DYRK3: variants seen among roughly 807,000 people sequenced by gnomAD.
DYRK3 encodes the protein dual specificity tyrosine phosphorylation regulated kinase 3, also known as dual specificity tyrosine-phosphorylation-regulated kinase 3.
A neutral mutation model predicts 40.8 loss-of-function variants in DYRK3; 30 were observed. That is an observed-to-expected ratio of 0.74 (90% CI 0.55 to 1.00). The LOEUF (loss-of-function observed/expected upper bound fraction) is 1.00, where lower values mean the gene tolerates loss of function less well. DYRK3 is among the 50% of genes least tolerant of loss of function. The pLI, the probability that DYRK3 is intolerant of heterozygous loss-of-function variation, is 0.00. For missense variants in DYRK3, 699 were observed against 731.5 expected, an observed-to-expected ratio of 0.96 and a Z score of 0.51; for synonymous variants, 272 against 260.7, an observed-to-expected ratio of 1.04 and a Z score of -0.42.
In DYRK3 at chr1:206,650,305, G is replaced by A. The variant is rs1671599343; in HGVS notation, c.*1340G>A. Among the ~76,000 whole-genome samples, 1 of 152,190 alleles carries A rather than the reference G, an allele frequency of 6.6e-6. No homozygotes were observed. The highest frequency in any genetic ancestry group is 6.5e-5 in the Admixed American group (1 of 15,280). On this transcript the variant is annotated 3_prime_UTR_variant, in exon 3 of 3. Coordinates refer to ENST00000367109, the MANE Select transcript of DYRK3 (RefSeq NM_003582.4). The stretch of plus-strand genomic sequence containing the variant: ...TCTTGGCTGGGTATTAGTGGCTCAT[G>A]CCTGTAATCCCAGCACTTTGGGAGG...
At position 206,648,402 on chromosome 1, in the gene DYRK3, C is replaced by T. The variant is rs782101027; in HGVS notation, c.1204C>T (p.Leu402Phe). 4 of 1,614,024 alleles carry T rather than the reference C, an allele frequency of 2.5e-6. No individual in the cohort carries two copies. In the African/African-American group the frequency reaches 5.3e-5, roughly 22 times the overall value. ...GAGTTTTGGCTGCATCCTTGCAGAA[C>T]TTTTAACAGGACAGCCTCTCTTCCC... ...IWSFGCILAELLTGQPLFPGE... is the reference protein window; with the variant it reads ...IWSFGCILAEFLTGQPLFPGE... The change falls in exon 3 of 3, where the codon CTT becomes TTT. Residue 402 changes from leucine (L) to phenylalanine (F), a missense_variant. Coordinates refer to ENST00000367109, the MANE Select transcript of DYRK3 (RefSeq NM_003582.4).
chr1:206,647,445 A>G lies in DYRK3; in HGVS notation c.247A>G (p.Met83Val), dbSNP rs139024809. The G allele has an allele frequency of 6.2e-7, 1 of 1,613,986 alleles. No individual in the cohort carries two copies. ...TCAGCACTTTTTGGATGGAGGTGAG[A>G]TGAAGGTAGAACAGCTGTTTCAAGA... ...HTQHFLDGGE[M>V]KVEQLFQEFG... Residue 83 changes from methionine (M) to valine (V), a missense_variant, in exon 3 of 3, where the codon ATG becomes GTG. By Grantham distance (21) the Met-to-Val change is conservative. Coordinates refer to ENST00000367109, the MANE Select transcript of DYRK3 (RefSeq NM_003582.4).
rs898989087 is a variant in DYRK3 at position 206,652,208 on chromosome 1, A to G, written c.*3243A>G. On this transcript the variant is annotated 3_prime_UTR_variant, in exon 3 of 3. Transcript: ENST00000367109. ...TTGGAGAAATTTAAGGATCTCCTGC[A>G]TTATCTAGGCAGAGCATATGTTGAG... Among the ~76,000 whole-genome samples the G allele has an allele frequency of 6.6e-6, 1 of 152,226 alleles. No homozygotes were observed. The highest frequency in any genetic ancestry group is 1.5e-5 in the Non-Finnish European group (1 of 68,048).
chr1:206,640,234 C>T (rs1233481659), intron 2 of DYRK3, among the ~76,000 whole-genome samples: 1 of 152,170 alleles, frequency 6.6e-6, no homozygotes, highest in Non-Finnish European at 1.5e-5. Context: ...CCACGCCTGG[C>T]TGTCTTTACT....
At chr1:206,636,778 C>T (rs1671124513) in intron 1 of DYRK3, 3 of 664,638 alleles carry the variant, frequency 4.5e-6, no homozygotes, top group Admixed American at 6.1e-5. Flanking sequence ...ATGTGTGTAA[C>T]TGGGAAATCC....
chr1:206,637,527 C>A, intron 1 of DYRK3, 123 bp from the exon 2 acceptor site: 1 of 656,058 alleles, frequency 1.5e-6, no homozygotes, highest in South Asian at 2.2e-5. Context: ...GTATTCAGTG[C>A]CAAAATGTAG....
rs782235510 is a variant in DYRK3 at position 206,648,437 on chromosome 1, TGAA to T, written c.1241_1243del (p.Glu414del). 3.5e-5 allele frequency: 57 copies of T among 1,614,160 alleles called. No individual in the cohort carries two copies. The highest frequency in any genetic ancestry group is 2.5e-6 in the Non-Finnish European group (3 of 1,180,016). On this transcript the variant is annotated inframe_deletion, in exon 3 of 3. Coordinates refer to ENST00000367109, the MANE Select transcript of DYRK3 (RefSeq NM_003582.4). ...GACAGCCTCTCTTCCCTGGAGAGGA[TGAA>T]GGAGACCAGTTGGCCTGCATGATGG...
At chr1:206,636,198 G>A in intron 1 of DYRK3, 1 of 632,612 alleles carries the variant, frequency 1.6e-6, no homozygotes, top group South Asian at 1.4e-5. Flanking sequence ...TTGCTGTGAG[G>A]GGTGCGGTCT....
chr1:206,648,355 A>G lies in DYRK3; in HGVS notation c.1157A>G (p.Tyr386Cys), dbSNP rs1553420685. The G allele has an allele frequency of 6.2e-7, 1 of 1,614,066 alleles. No individual in the cohort carries two copies. Among genetic ancestry groups the G allele is most frequent in the African/African-American group, 1.3e-5 (1 of 74,928 alleles). Residue 386 changes from tyrosine (Y) to cysteine (C), a missense_variant, in exon 3 of 3, where the codon TAC (tyrosine) becomes TGC (cysteine). By Grantham distance (194) the Tyr-to-Cys change is radical. Coordinates refer to ENST00000367109, the MANE Select transcript of DYRK3 (RefSeq NM_003582.4). ...CCAGAAATCATCTTAGGAAGCCGCT[A>G]CAGCACACCAATTGACATATGGAGT... ...RAPEIILGSR[Y>C]STPIDIWSFG...
chr1:206,655,085 G>T lies in DYRK3; in HGVS notation c.*6120G>T. On this transcript the variant is annotated 3_prime_UTR_variant, in exon 3 of 3. Coordinates refer to ENST00000367109, the MANE Select transcript of DYRK3 (RefSeq NM_003582.4). Reference sequence around the variant, plus strand: ...TGACATGCTTCCTCTGGAAAGTGCAGTTTGGCATGGATGAGTCAGTGGTTT... The same window carrying T: ...TGACATGCTTCCTCTGGAAAGTGCATTTTGGCATGGATGAGTCAGTGGTTT... Among the ~76,000 whole-genome samples the T allele has an allele frequency of 6.6e-6, 1 of 152,216 alleles. No individual in the cohort carries two copies. Among genetic ancestry groups the T allele is most frequent in the Non-Finnish European group, 1.5e-5 (1 of 68,044 alleles).
intron 1 of DYRK3, chr1:206,636,039 A>C: frequency 1.4e-6 from 2 of 1,471,480 alleles, no homozygotes; most frequent in Non-Finnish European, 1.8e-6. Flanking sequence ...ATTCCCTCTG[A>C]AACCCTAGAT....
chr1:206,654,388 A>C lies in DYRK3; in HGVS notation c.*5423A>C, dbSNP rs1035793683. On this transcript the variant is annotated 3_prime_UTR_variant, in exon 3 of 3. Coordinates refer to ENST00000367109, the MANE Select transcript of DYRK3 (RefSeq NM_003582.4). ...AACTTACTATGCGTAGAGCAGCGGCAGGCATTCATGCTATGGAAAACCTGG... is the reference window on the plus strand; with the variant it reads ...AACTTACTATGCGTAGAGCAGCGGCCGGCATTCATGCTATGGAAAACCTGG... Among the ~76,000 whole-genome samples the C allele has an allele frequency of 1.2e-4, 19 of 152,274 alleles. No homozygotes were observed. Among genetic ancestry groups the C allele is most frequent in the African/African-American group, 4.3e-4 (18 of 41,476 alleles).
chr1:206,637,564 C>T (rs1671150872), intron 1 of DYRK3, 86 bp from the exon 2 acceptor site: 1 of 861,684 alleles, frequency 1.2e-6, no homozygotes, highest in East Asian at 2.5e-5. Flanking sequence ...TATTACTGTT[C>T]CTTGTAGCAG....
Position 206,637,574 on chromosome 1 carries a change from G to T in DYRK3, c.78-76G>T. 3.1e-6 allele frequency: 3 copies of T among 964,064 alleles called. No individual in the cohort carries two copies. The Admixed American group carries it at 6.4e-5, about 21-fold the overall frequency. 59.7% of individuals were successfully genotyped at this position (964,064 alleles called of 1,614,324 possible). On this transcript the variant is annotated intron_variant, in intron 1 of 2. Transcript: ENST00000367109. ...ATTTCTATTACTGTTCCTTGTAGCA[G>T]ATATGAAGCAGTTAAGACATAGGAT...
chr1:206,647,348 T>G, intron 2 of DYRK3, 40 bp from the exon 3 acceptor site: 1 of 1,524,662 alleles, frequency 6.6e-7, no homozygotes, highest in Non-Finnish European at 8.8e-7. Flanking sequence ...TCCATCTTTC[T>G]AATGTTTTTA....
At chr1:206,645,993 G>A (rs1040197623) in intron 2 of DYRK3, among the ~76,000 whole-genome samples, 2 of 152,114 alleles carry the variant, frequency 1.3e-5, no homozygotes, top group Non-Finnish European at 2.9e-5. Context: ...GGGATTACAG[G>A]TGTGCACCAT....
Position 206,641,585 on chromosome 1 carries a change from A to C in DYRK3, c.189+3824A>C, listed in dbSNP as rs190813042. On this transcript the variant is annotated intron_variant, in intron 2 of 2. Transcript: ENST00000367109. The stretch of plus-strand genomic sequence containing the variant: ...TTTAGAACAATGGAAGGAAGGTTTT[A>C]TTTATAACACATCAGACTTGATATG... Among the ~76,000 whole-genome samples, 177 of 150,486 alleles carry C rather than the reference A, an allele frequency of 1.2e-3. 2 individuals carry two copies. Among genetic ancestry groups the C allele is most frequent in the Non-Finnish European group, 1.4e-3 (94 of 67,998 alleles).
rs1572454882 is a variant in DYRK3 at position 206,652,447 on chromosome 1, A to G, written c.*3482A>G. 1.3e-5 allele frequency among the ~76,000 whole-genome samples: 2 copies of G among 152,310 alleles called. No individual in the cohort carries two copies. The highest frequency in any genetic ancestry group is 6.8e-3 in the Middle Eastern group (2 of 294). ...TATTTCTGTGTATCGAATGGACTACAAGGTTACTGAAACTGGGCTAAGGGA... is the reference window on the plus strand; with the variant it reads ...TATTTCTGTGTATCGAATGGACTACGAGGTTACTGAAACTGGGCTAAGGGA... On this transcript the variant is annotated 3_prime_UTR_variant, in exon 3 of 3. Transcript: ENST00000367109.
chr1:206,648,843 CAGGGATTGGGT>C lies in DYRK3; in HGVS notation c.1646_1656del (p.Gln549LeufsTer2). 1.2e-6 allele frequency: 2 copies of C among 1,614,128 alleles called. No individual in the cohort carries two copies. Among genetic ancestry groups the C allele is most frequent in the Non-Finnish European group, 1.7e-6 (2 of 1,180,030 alleles). On this transcript the variant is annotated frameshift_variant, in exon 3 of 3. Transcript: ENST00000367109. LOFTEE classifies it high-confidence loss of function. ...GGTAGTTAATCCTGCAAGTGCTTTCCAGGGATTGGGTTCTAAGCTGCCTCCAGTTGTTGGAA... is the reference window on the plus strand; with the variant it reads ...GGTAGTTAATCCTGCAAGTGCTTTCCTCTAAGCTGCCTCCAGTTGTTGGAA...
Sources: allele counts gnomAD v4.1 joint callset (sites outside exome capture counted in the v4.1 genomes callset), GRCh38; gene constraint gnomAD v4.1.1; transcripts MANE v1.5; gene names NCBI Gene and HGNC (gene_info 2026-07-23, HGNC 2026-07-21).